The following WDR75 variants were observed in gnomAD, a reference collection of about 807,000 sequenced individuals.
WDR75 encodes the protein WD repeat domain 75, also known as WD repeat-containing protein 75.
A neutral mutation model predicts 106.1 loss-of-function variants in WDR75; 52 were observed. The ratio of observed to expected loss-of-function variants is 0.49; its 90% CI spans 0.39 to 0.62. The LOEUF (loss-of-function observed/expected upper bound fraction) is 0.62, where lower values mean the gene tolerates loss of function less well. Ranked by LOEUF, WDR75 falls within the 20% of genes least tolerant of loss-of-function variation. The pLI, the probability that WDR75 is intolerant of heterozygous loss-of-function variation, is 0.00. For synonymous variants in WDR75, 333 were observed against 335.5 expected, an observed-to-expected ratio of 0.99 and a Z score of 0.08; for missense variants, 905 against 970.3, an observed-to-expected ratio of 0.93 and a Z score of 0.89.
At chr2:189,468,371 A>G in intron 14 of WDR75, 104 bp from the exon 15 acceptor site, 1 of 970,932 alleles carries the variant, frequency 1.0e-6, no homozygotes, top group South Asian at 1.5e-5. Context: ...ATATGTCTAT[A>G]TAAAAATCTG....
In WDR75 at chr2:189,470,312, A is replaced by AT. The variant is rs1160344840; in HGVS notation, c.1989+69dup. 2.7e-6 allele frequency: 4 copies of AT among 1,508,400 alleles called. No individual in the cohort carries two copies. The African/African-American group carries it at 5.6e-5, about 21-fold the overall frequency. 93.4% of individuals were successfully genotyped at this position (1,508,400 alleles called of 1,614,324 possible). A position where few individuals can be genotyped will look rare whatever the true frequency, so the allele number is the denominator to read the frequency against. ...AATTTTAGACTAATAGCCCATGACTATTGGTGTGAGTTTGTTTCTAGGTGA... is the reference window on the plus strand; with the variant it reads ...AATTTTAGACTAATAGCCCATGACTATTTGGTGTGAGTTTGTTTCTAGGTGA... On this transcript the variant is annotated intron_variant, in intron 17 of 20. Transcript: ENST00000314761.
intron 4 of WDR75, among the ~76,000 whole-genome samples, chr2:189,454,135 G>A (rs1169070839): frequency 2.0e-5 from 3 of 152,162 alleles, no homozygotes; most frequent in African/African-American, 7.2e-5. Context: ...GAGCAACATA[G>A]GAGGAGTAAA....
chr2:189,442,710 A>G (rs1686408285), intron 1 of WDR75, among the ~76,000 whole-genome samples: 1 of 152,102 alleles, frequency 6.6e-6, no homozygotes, highest in South Asian at 2.1e-4. Context: ...TGAACCTCCC[A>G]AAGTGCAGCG....
chr2:189,475,480 A>C lies in WDR75; in HGVS notation c.*63A>C. ...TTGATTGTATGTTGATATTCTAAAAACATCTATTTTAATGTTATTTCTGTT... is the reference window on the plus strand; with the variant it reads ...TTGATTGTATGTTGATATTCTAAAACCATCTATTTTAATGTTATTTCTGTT... On this transcript the variant is annotated 3_prime_UTR_variant, in exon 21 of 21. Transcript: ENST00000314761. 1 of 1,008,114 alleles carries C rather than the reference A, an allele frequency of 9.9e-7. No homozygotes were observed. Among genetic ancestry groups the C allele is most frequent in the East Asian group, 2.6e-5 (1 of 38,362 alleles). 62.4% of individuals were successfully genotyped at this position (1,008,114 alleles called of 1,614,324 possible).
Position 189,455,306 on chromosome 2 carries a change from C to G in WDR75, c.374-14C>G. On this transcript the variant is annotated splice_polypyrimidine_tract_variant and intron_variant, in intron 4 of 20. Transcript: ENST00000314761. Reference sequence around the variant, plus strand: ...CTAGAGAAGCTTTATATTAATATAGCTTTCTTTGGCTAGATATATTTCAGC... The same window carrying G: ...CTAGAGAAGCTTTATATTAATATAGGTTTCTTTGGCTAGATATATTTCAGC... 1 of 1,610,322 alleles carries G rather than the reference C, an allele frequency of 6.2e-7. No homozygotes were observed.
intron 4 of WDR75, among the ~76,000 whole-genome samples, chr2:189,452,313 A>G (rs1686639869): frequency 6.6e-6 from 1 of 152,164 alleles, no homozygotes; most frequent in Non-Finnish European, 1.5e-5. Flanking sequence ...TAATCCCAGC[A>G]CTATGGGAGG....
intron 13 of WDR75, 38 bp downstream of exon 13, chr2:189,466,620 A>G: frequency 2.6e-6 from 4 of 1,559,136 alleles, no homozygotes; most frequent in East Asian, 2.3e-5. Flanking sequence ...AGTGTGCACA[A>G]TTTTAGGAAT....
chr2:189,448,964 G>T, intron 2 of WDR75: 2 of 436,920 alleles, frequency 4.6e-6, no homozygotes, highest in Non-Finnish European at 9.4e-6. Flanking sequence ...TAAGGCTCTG[G>T]CTTACTCTAG....
At chr2:189,447,128 A>G (rs1328460304) in intron 1 of WDR75, among the ~76,000 whole-genome samples, 1 of 152,246 alleles carries the variant, frequency 6.6e-6, no homozygotes, top group African/African-American at 2.4e-5. Context: ...GACTGTAGGT[A>G]ATTAAAACCA....
chr2:189,459,680 T>G (rs1013705600), intron 8 of WDR75, among the ~76,000 whole-genome samples: 35 of 152,342 alleles, frequency 2.3e-4, no homozygotes, highest in African/African-American at 7.7e-4. Flanking sequence ...ATTATATGAC[T>G]TTTTGAAGGT....
chr2:189,459,499 T>A (rs2105563061), intron 8 of WDR75, 75 bp downstream of exon 8: 2 of 1,392,312 alleles, frequency 1.4e-6, no homozygotes, highest in South Asian at 1.2e-5. Flanking sequence ...GTATTTTTAG[T>A]TTGGAAGATT....
chr2:189,470,158 T>G lies in WDR75; in HGVS notation c.1902T>G (p.Phe634Leu). Residue 634 changes from phenylalanine (F) to leucine (L), a missense_variant, in exon 17 of 21, where the codon TTT (phenylalanine) becomes TTG (leucine). Phe to Leu is a conservative substitution (Grantham distance 22, BLOSUM62 0). Coordinates refer to ENST00000314761, the MANE Select transcript of WDR75 (RefSeq NM_032168.3). ...GAGAGAAAGTCCAGTGGGGAGTGTT[T>G]GTTCCACGAGATGTCCCTGAATCCT... ...ISREKVQWGV[F>L]VPRDVPESFT... 1 of 1,613,704 alleles carries G rather than the reference T, an allele frequency of 6.2e-7. No homozygotes were observed. The highest frequency in any genetic ancestry group is 8.5e-7 in the Non-Finnish European group (1 of 1,179,678).
rs758748939 is a variant in WDR75 at position 189,469,330 on chromosome 2, GT to G, written c.1724-9del. Reference sequence around the variant, plus strand: ...CTTTCCTTAGAAGTGAATCACCTTTGTTTTTCCCCTCAGTGGAGTGGAATGC... The same window carrying G: ...CTTTCCTTAGAAGTGAATCACCTTTGTTTTCCCCTCAGTGGAGTGGAATGC... On this transcript the variant is annotated splice_polypyrimidine_tract_variant and intron_variant, in intron 15 of 20. Coordinates refer to ENST00000314761, the MANE Select transcript of WDR75 (RefSeq NM_032168.3). 2 of 1,598,678 alleles carry G rather than the reference GT, an allele frequency of 1.3e-6. No homozygotes were observed. Among genetic ancestry groups the G allele is most frequent in the Admixed American group, 1.7e-5 (1 of 59,876 alleles).
At chr2:189,451,544 A>G (rs1484273721) in intron 3 of WDR75, among the ~76,000 whole-genome samples, 2 of 152,232 alleles carry the variant, frequency 1.3e-5, no homozygotes, top group Non-Finnish European at 2.9e-5. Context: ...AGCATTGTTT[A>G]TGGTAGGAAA....
intron 9 of WDR75, 39 bp from the exon 10 acceptor site, chr2:189,463,655 C>T: frequency 6.2e-7 from 1 of 1,607,980 alleles, no homozygotes; most frequent in Non-Finnish European, 8.5e-7. Flanking sequence ...CTTTCTCTAA[C>T]CTATTGATAT....
At chr2:189,463,154 A>AAAAG (rs934140621) in intron 9 of WDR75, among the ~76,000 whole-genome samples, 3 of 152,332 alleles carry the variant, frequency 2.0e-5, no homozygotes, top group African/African-American at 7.2e-5. Flanking sequence ...TTTCTTTCAA[A>AAAAG]AAAGAACATA....
At chr2:189,466,653 G>A (rs1488425090) in intron 13 of WDR75, 71 bp downstream of exon 13, 5 of 1,467,224 alleles carry the variant, frequency 3.4e-6, no homozygotes, top group Non-Finnish European at 4.6e-6. Context: ...CTCATGACTT[G>A]TATCCATCCT....
intron 8 of WDR75, among the ~76,000 whole-genome samples, chr2:189,460,199 G>A (rs529950434): frequency 9.2e-5 from 14 of 152,252 alleles, no homozygotes; most frequent in Middle Eastern, 3.4e-3. Context: ...AAGATTGTGT[G>A]CCTAAAAAAT....
chr2:189,463,624 C>A, intron 9 of WDR75, 70 bp from the exon 10 acceptor site: 2 of 1,517,430 alleles, frequency 1.3e-6, no homozygotes, highest in South Asian at 1.2e-5. Context: ...AAAAGCCACC[C>A]TGAGCCACAG....
Sources: allele counts gnomAD v4.1 joint callset (sites outside exome capture counted in the v4.1 genomes callset), GRCh38; gene constraint gnomAD v4.1.1; transcripts MANE v1.5; gene names NCBI Gene and HGNC (gene_info 2026-07-23, HGNC 2026-07-21).